KCNH7: variants seen among roughly 807,000 people sequenced by gnomAD.
KCNH7 encodes voltage-gated inwardly rectifying potassium channel KCNH7.
Under a neutral mutation model 120.8 loss-of-function variants are expected in KCNH7, and 49 were observed. That is an observed-to-expected ratio of 0.41 (90% CI 0.32 to 0.51). The LOEUF is 0.51. KCNH7 is among the 20% of genes least tolerant of loss of function. The probability of loss-of-function intolerance (pLI) is 0.38; values close to 1 mark genes in which losing one functional copy is unlikely to be tolerated. For missense variants in KCNH7, 1,097 were observed against 1,446.6 expected, an observed-to-expected ratio of 0.76 and a Z score of 3.92; for synonymous variants, 547 against 516.1, an observed-to-expected ratio of 1.06 and a Z score of -0.81.
intron 2 of KCNH7, among the ~76,000 whole-genome samples, chr2:162,811,870 CA>C (rs1266848561): frequency 2.0e-5 from 3 of 152,100 alleles, no homozygotes; most frequent in South Asian, 4.2e-4. Flanking sequence ...CTCTTCTGAA[CA>C]AAGTGGATGG....
intron 2 of KCNH7, among the ~76,000 whole-genome samples, chr2:162,631,911 A>G (rs1182087756): frequency 6.6e-6 from 1 of 152,040 alleles, no homozygotes; most frequent in African/African-American, 2.4e-5. Context: ...AAGATTATCT[A>G]CCAGAAACCC....
chr2:162,491,714 A>C (rs1327236679), intron 6 of KCNH7, among the ~76,000 whole-genome samples: 1 of 152,168 alleles, frequency 6.6e-6, no homozygotes, highest in African/African-American at 2.4e-5. Flanking sequence ...TAAGGACAGA[A>C]GAAAGAATGG....
intron 2 of KCNH7, among the ~76,000 whole-genome samples, chr2:162,664,121 CCCT>C (rs1250180704): frequency 6.6e-6 from 1 of 152,120 alleles, no homozygotes. Context: ...ATGTCATTCC[CCCT>C]CCTCTTTCTG....
chr2:162,637,199 T>C (rs1212066760), intron 2 of KCNH7, among the ~76,000 whole-genome samples: 1 of 152,118 alleles, frequency 6.6e-6, no homozygotes, highest in Non-Finnish European at 1.5e-5. Context: ...CTTGTTTTCA[T>C]GTGGAGAATT....
intron 2 of KCNH7, among the ~76,000 whole-genome samples, chr2:162,699,068 A>C (rs1258572907): frequency 6.6e-6 from 1 of 152,100 alleles, no homozygotes; most frequent in Non-Finnish European, 1.5e-5. Context: ...CATGCTTATC[A>C]TTTTTTGTGG....
At chr2:162,514,508 T>A (rs1458164191) in intron 4 of KCNH7, among the ~76,000 whole-genome samples, 2 of 151,830 alleles carry the variant, frequency 1.3e-5, no homozygotes, top group African/African-American at 2.4e-5. Flanking sequence ...AGAGTGTGGC[T>A]TGTGCACTGG....
intron 1 of KCNH7, among the ~76,000 whole-genome samples, chr2:162,837,376 A>C (rs1685698554): frequency 6.6e-6 from 1 of 152,340 alleles, no homozygotes; most frequent in African/African-American, 2.4e-5. Flanking sequence ...AAAGAAAAAT[A>C]TTTACACACA....
chr2:162,677,750 C>T (rs1334751973), intron 2 of KCNH7, among the ~76,000 whole-genome samples: 1 of 151,402 alleles, frequency 6.6e-6, no homozygotes, highest in African/African-American at 2.4e-5. Context: ...CTTTCCAACC[C>T]GGGTTTATCA....
intron 14 of KCNH7, among the ~76,000 whole-genome samples, chr2:162,376,297 G>A (rs1275690176): frequency 6.6e-6 from 1 of 151,756 alleles, no homozygotes; most frequent in Non-Finnish European, 1.5e-5. Context: ...AAATTGCTCT[G>A]TGTGCAATGG....
intron 2 of KCNH7, among the ~76,000 whole-genome samples, chr2:162,681,610 G>A (rs1446251899): frequency 6.6e-6 from 1 of 151,690 alleles, no homozygotes; most frequent in African/African-American, 2.4e-5. Flanking sequence ...CGTGTTGGAT[G>A]AATTTGGACC....
At chr2:162,663,625 T>C (rs1461953076) in intron 2 of KCNH7, among the ~76,000 whole-genome samples, 3 of 152,200 alleles carry the variant, frequency 2.0e-5, no homozygotes, top group East Asian at 1.9e-4. Context: ...TGAATAGAAA[T>C]TGAAATGCAA....
chr2:162,775,043 AT>A (rs768566959), intron 2 of KCNH7, among the ~76,000 whole-genome samples: 84 of 152,272 alleles, frequency 5.5e-4, no homozygotes, highest in Non-Finnish European at 1.0e-3. Flanking sequence ...CCTTGAAATA[AT>A]TTTTTTGAAT....
At chr2:162,558,784 A>G (rs1223323549) in intron 2 of KCNH7, among the ~76,000 whole-genome samples, 1 of 151,802 alleles carries the variant, frequency 6.6e-6, no homozygotes, top group Admixed American at 6.6e-5. Context: ...TTATTACATT[A>G]AAAAGACAAT....
intron 2 of KCNH7, among the ~76,000 whole-genome samples, chr2:162,612,026 C>T (rs902291502): frequency 3.3e-5 from 5 of 152,154 alleles, no homozygotes; most frequent in South Asian, 4.1e-4. Context: ...AATTTCACTT[C>T]TATTTTCAGC....
At chr2:162,377,145 C>T (rs1686224992) in intron 14 of KCNH7, among the ~76,000 whole-genome samples, 1 of 152,082 alleles carries the variant, frequency 6.6e-6, no homozygotes, top group East Asian at 1.9e-4. Flanking sequence ...CTGAGTTGAG[C>T]TTCCCCCTTC....
At chr2:162,586,663 C>CTTTTTTTTTT (rs1468070812) in intron 2 of KCNH7, among the ~76,000 whole-genome samples, 1 of 148,026 alleles carries the variant, frequency 6.8e-6, no homozygotes, top group Non-Finnish European at 1.5e-5. Flanking sequence ...CGGTTTCTTT[C>CTTTTTTTTTT]CTTTTTTTTT....
intron 12 of KCNH7, among the ~76,000 whole-genome samples, chr2:162,386,438 T>C (rs1398449605): frequency 6.6e-6 from 1 of 151,894 alleles, no homozygotes; most frequent in African/African-American, 2.4e-5. Context: ...TTATAAAGAT[T>C]AGCCTAGTAA....
chr2:162,710,863 A>C (rs542599103), intron 2 of KCNH7, among the ~76,000 whole-genome samples: 16 of 152,106 alleles, frequency 1.1e-4, no homozygotes, highest in Non-Finnish European at 2.2e-4. Flanking sequence ...TAGATTTTAA[A>C]AGTTGACTCA....
At chr2:162,753,018 G>GAAAAGAAAAGAA (rs1688652944) in intron 2 of KCNH7, among the ~76,000 whole-genome samples, 1 of 143,330 alleles carries the variant, frequency 7.0e-6, no homozygotes, top group Non-Finnish European at 1.5e-5. Flanking sequence ...GAAAAGAAAA[G>GAAAAGAAAAGAA]AAAAGAAAAG....
Sources: gnomAD v4.1 joint callset for allele counts (sites outside exome capture counted in the v4.1 genomes callset) on GRCh38, gnomAD v4.1.1 for gene constraint, MANE v1.5 for transcripts, NCBI Gene and HGNC (gene_info 2026-07-23, HGNC 2026-07-21) for gene names.